The following RYR2 variants were observed in gnomAD, a reference collection of about 807,000 sequenced individuals.
The protein encoded by RYR2 is ryanodine receptor 2.
Under a neutral mutation model 601.1 loss-of-function variants are expected in RYR2, and 227 were observed. That is an observed-to-expected ratio of 0.38 (90% CI 0.34 to 0.42). The LOEUF (loss-of-function observed/expected upper bound fraction) is 0.42, where lower values mean the gene tolerates loss of function less well. RYR2 is among the 10% of genes least tolerant of loss of function. The pLI is 1.00. For synonymous variants in RYR2, 2,223 were observed against 2,175.1 expected, an observed-to-expected ratio of 1.02 and a Z score of -0.61; for missense variants, 4,646 against 6,156.5, an observed-to-expected ratio of 0.75 and a Z score of 8.21.
chr1:237,730,761 A>G (rs941403666), intron 77 of RYR2, among the ~76,000 whole-genome samples: 3 of 152,166 alleles, frequency 2.0e-5, no homozygotes, highest in South Asian at 2.1e-4. Flanking sequence ...AGAAATCAAC[A>G]GGGCAGAGAA....
intron 44 of RYR2, 74 bp downstream of exon 44, chr1:237,635,066 A>C (rs1319919416): frequency 8.4e-7 from 1 of 1,194,418 alleles, no homozygotes; most frequent in East Asian, 2.6e-5. Context: ...TTTAAATATA[A>C]GTAAGGTTGG....
chr1:237,509,743 T>C (rs1383397414), intron 23 of RYR2, among the ~76,000 whole-genome samples: 1 of 152,212 alleles, frequency 6.6e-6, no homozygotes, highest in Non-Finnish European at 1.5e-5. Flanking sequence ...AGAAGTAATA[T>C]TTAGCTCTTC....
At chr1:237,321,861 TTCTTAATGTTAAGGATGTTA>T (rs1245784044) in intron 2 of RYR2, among the ~76,000 whole-genome samples, 2 of 152,142 alleles carry the variant, frequency 1.3e-5, no homozygotes, top group Non-Finnish European at 2.9e-5. Flanking sequence ...AACATGAGGC[TTCTTAATGTTAAGGATGTTA>T]TCTACAGAAA....
chr1:237,061,647 G>A (rs1662905367), intron 1 of RYR2, among the ~76,000 whole-genome samples: 1 of 152,154 alleles, frequency 6.6e-6, no homozygotes, highest in South Asian at 2.1e-4. Flanking sequence ...TTTATATGAT[G>A]TGAATAGGAA....
chr1:237,592,966 A>G (rs963122205), intron 32 of RYR2, among the ~76,000 whole-genome samples: 6 of 150,776 alleles, frequency 4.0e-5, no homozygotes, highest in Non-Finnish European at 8.9e-5. Flanking sequence ...GGCTTCAGTG[A>G]GCTGAGATCA....
chr1:237,786,518 C>T (rs1185809938), intron 91 of RYR2, among the ~76,000 whole-genome samples: 4 of 152,200 alleles, frequency 2.6e-5, no homozygotes, highest in Admixed American at 2.6e-4. Flanking sequence ...TTAAAACAAA[C>T]ATTCCTGGGC....
chr1:237,811,092 T>C (rs1661204299), intron 100 of RYR2, among the ~76,000 whole-genome samples: 1 of 152,028 alleles, frequency 6.6e-6, no homozygotes. Context: ...ACCATAGGTA[T>C]TTTTTTATTT....
chr1:237,500,263 C>T lies in RYR2; in HGVS notation c.2204-448C>T, dbSNP rs192600489. 3.2e-3 allele frequency among the ~76,000 whole-genome samples: 491 copies of T among 152,232 alleles called. 12 individuals carry two copies. The highest frequency in any genetic ancestry group is 5.9e-4 in the Non-Finnish European group (40 of 68,018). On this transcript the variant is annotated intron_variant, in intron 20 of 104. Transcript: ENST00000366574. ...ACTCTGTTACTTGTAAAACATTAAT[C>T]GTCAAAATAACTAAACAAGGTGATG...
intron 25 of RYR2, among the ~76,000 whole-genome samples, chr1:237,539,540 G>A (rs1669028485): frequency 6.6e-6 from 1 of 152,074 alleles, no homozygotes; most frequent in Non-Finnish European, 1.5e-5. Context: ...TTTTTGTACT[G>A]TGCAGCCAGT....
At chr1:237,093,363 T>A (rs984569313) in intron 1 of RYR2, among the ~76,000 whole-genome samples, 2 of 152,078 alleles carry the variant, frequency 1.3e-5, no homozygotes, top group African/African-American at 4.8e-5. Flanking sequence ...TCAGGAAAAC[T>A]TGAGAATAGA....
chr1:237,054,736 C>A, intron 1 of RYR2, among the ~76,000 whole-genome samples: 1 of 152,022 alleles, frequency 6.6e-6, no homozygotes. Flanking sequence ...TTGTTTGAGT[C>A]GTATTTTTAC....
chr1:237,734,511 A>G (rs1007946960), intron 79 of RYR2, among the ~76,000 whole-genome samples: 3 of 152,226 alleles, frequency 2.0e-5, no homozygotes, highest in Non-Finnish European at 2.9e-5. Context: ...TCTTAGGAGT[A>G]TTGGGAACAG....
intron 84 of RYR2, among the ~76,000 whole-genome samples, chr1:237,768,705 A>G (rs1017900257): frequency 3.9e-5 from 6 of 151,926 alleles, no homozygotes; most frequent in Non-Finnish European, 5.9e-5. Flanking sequence ...CTGCAGACAT[A>G]AAGCCATCAT....
chr1:237,633,478 G>A (rs1680552559), intron 42 of RYR2, 100 bp from the exon 43 acceptor site: 1 of 1,415,082 alleles, frequency 7.1e-7, no homozygotes, highest in African/African-American at 1.4e-5. Context: ...CACACACATG[G>A]ACACACGGGG....
At chr1:237,148,521 A>ATTAT (rs1417305977) in intron 1 of RYR2, among the ~76,000 whole-genome samples, 380 of 43,962 alleles carry the variant, frequency 8.6e-3, no homozygotes, top group African/African-American at 0.024. Context: ...CAAGTAAAAA[A>ATTAT]AAAAAAATAT....
chr1:237,213,915 C>CTTTTTTT (rs71180008), intron 1 of RYR2, among the ~76,000 whole-genome samples: 1,128 of 65,506 alleles, frequency 0.017, 1 homozygote, highest in Non-Finnish European at 0.023. Context: ...TTTTCTTTTT[C>CTTTTTTT]TTTTTTTTTT....
intron 98 of RYR2, among the ~76,000 whole-genome samples, chr1:237,803,421 C>A (rs1003363223): frequency 6.6e-6 from 1 of 152,164 alleles, no homozygotes; most frequent in African/African-American, 2.4e-5. Context: ...CTGCCTCAGC[C>A]TCCTGAGTAG....
intron 67 of RYR2, among the ~76,000 whole-genome samples, chr1:237,706,109 C>T (rs912816082): frequency 3.3e-5 from 5 of 152,010 alleles, no homozygotes; most frequent in East Asian, 1.9e-4. Flanking sequence ...ATTAGCCGGG[C>T]GTGGTGGTGT....
Position 237,271,956 on chromosome 1 carries a change from C to T in RYR2, c.168+1340C>T, listed in dbSNP as rs550383506. 5.3e-5 allele frequency among the ~76,000 whole-genome samples: 8 copies of T among 152,112 alleles called. No individual in the cohort carries two copies. In the East Asian group the frequency reaches 5.8e-4, roughly 11 times the overall value. ...ACCGGTCTGGCCAACATAGTGAAAC[C>T]CTGTCTCTATTAAAAATACAAAAAT... On this transcript the variant is annotated intron_variant, in intron 2 of 104. Transcript: ENST00000366574.
Sources: allele counts gnomAD v4.1 joint callset (sites outside exome capture counted in the v4.1 genomes callset), GRCh38; gene constraint gnomAD v4.1.1; transcripts MANE v1.5; gene names NCBI Gene and HGNC (gene_info 2026-07-23, HGNC 2026-07-21).